The following CSGALNACT1 variants were observed in gnomAD, a reference collection of about 807,000 sequenced individuals.
The protein encoded by CSGALNACT1 is beta4GalNAcT-1.
A neutral mutation model predicts 51.0 loss-of-function variants in CSGALNACT1; 52 were observed. The ratio of observed to expected loss-of-function variants is 1.02; its 90% CI spans 0.82 to 1.29. CSGALNACT1 has a LOEUF of 1.29. CSGALNACT1 is among the 50% of genes most tolerant of loss of function. CSGALNACT1 has a pLI of 0.00. For missense variants in CSGALNACT1, 935 were observed against 679.2 expected, an observed-to-expected ratio of 1.38 and a Z score of -4.19; for synonymous variants, 341 against 254.4, an observed-to-expected ratio of 1.34 and a Z score of -3.24.
chr8:19,635,401 CTGG>C (rs2055897679), intron 1 of CSGALNACT1, among the ~76,000 whole-genome samples: 1 of 152,238 alleles, frequency 6.6e-6, no homozygotes, highest in Non-Finnish European at 1.5e-5. Flanking sequence ...TACCTGCCTA[CTGG>C]TGTTTTTCCT....
intron 1 of CSGALNACT1, among the ~76,000 whole-genome samples, chr8:19,706,133 T>A (rs2062150591): frequency 6.6e-6 from 1 of 152,174 alleles, no homozygotes; most frequent in South Asian, 2.1e-4. Context: ...GCAAATAGCA[T>A]GCAAGGATGA....
intron 1 of CSGALNACT1, among the ~76,000 whole-genome samples, chr8:19,701,845 C>T (rs1229796672): frequency 6.6e-6 from 1 of 152,154 alleles, no homozygotes; most frequent in Non-Finnish European, 1.5e-5. Context: ...CTTTTAACCA[C>T]TACAAGATGA....
At chr8:19,598,318 C>T (rs1191588096) in intron 2 of CSGALNACT1, among the ~76,000 whole-genome samples, 1 of 152,144 alleles carries the variant, frequency 6.6e-6, no homozygotes, top group Non-Finnish European at 1.5e-5. Context: ...TGCAGAAAAC[C>T]AATGGTGGCC....
chr8:19,578,974 C>T (rs2044934238), intron 3 of CSGALNACT1, among the ~76,000 whole-genome samples: 1 of 152,184 alleles, frequency 6.6e-6, no homozygotes, highest in African/African-American at 2.4e-5. Flanking sequence ...AAGTGATCCT[C>T]CTGCCTCACA....
At chr8:19,558,123 G>A (rs1247279568) in intron 3 of CSGALNACT1, among the ~76,000 whole-genome samples, 1 of 152,172 alleles carries the variant, frequency 6.6e-6, no homozygotes, top group African/African-American at 2.4e-5. Context: ...ACTATTTCCT[G>A]AATCAGCTGA....
chr8:19,654,724 T>C (rs1311198229), intron 1 of CSGALNACT1, among the ~76,000 whole-genome samples: 2 of 151,946 alleles, frequency 1.3e-5, no homozygotes, highest in African/African-American at 4.8e-5. Flanking sequence ...TTTGTATTTT[T>C]GGTAGAGACA....
intron 1 of CSGALNACT1, among the ~76,000 whole-genome samples, chr8:19,627,691 G>A (rs2054624455): frequency 1.3e-5 from 2 of 152,104 alleles, no homozygotes; most frequent in African/African-American, 4.8e-5. Context: ...CAGGTATGGT[G>A]GCATGCACCT....
At chr8:19,438,197 C>CGGGGGGGG (rs913808381) in intron 6 of CSGALNACT1, among the ~76,000 whole-genome samples, 144 of 146,340 alleles carry the variant, frequency 9.8e-4, no homozygotes, top group Non-Finnish European at 1.6e-3. Context: ...GGGCGGGGGT[C>CGGGGGGGG]GGGGGGCAGC....
chr8:19,664,965 G>C (rs1410835614), intron 1 of CSGALNACT1, among the ~76,000 whole-genome samples: 1 of 152,180 alleles, frequency 6.6e-6, no homozygotes, highest in Non-Finnish European at 1.5e-5. Flanking sequence ...TACAGTAAAA[G>C]TACAGACTTA....
intron 1 of CSGALNACT1, among the ~76,000 whole-genome samples, chr8:19,704,324 T>C (rs750347856): frequency 2.0e-5 from 3 of 152,236 alleles, no homozygotes; most frequent in Non-Finnish European, 4.4e-5. Context: ...TTTTCCAAAG[T>C]ACCATTAATA....
intron 3 of CSGALNACT1, among the ~76,000 whole-genome samples, chr8:19,551,138 A>C (rs1462679668): frequency 6.6e-6 from 1 of 152,240 alleles, no homozygotes; most frequent in Non-Finnish European, 1.5e-5. Context: ...ATGAAGAAAA[A>C]AACAACTGAA....
At chr8:19,742,591 T>G (rs1484466919) in intron 1 of CSGALNACT1, among the ~76,000 whole-genome samples, 1 of 152,202 alleles carries the variant, frequency 6.6e-6, no homozygotes. Flanking sequence ...TACTGAACCC[T>G]GAAATTCTCA....
At chr8:19,509,948 T>C (rs529312947) in intron 3 of CSGALNACT1, among the ~76,000 whole-genome samples, 90 of 152,246 alleles carry the variant, frequency 5.9e-4, no homozygotes, top group African/African-American at 2.0e-3. Flanking sequence ...CAGGTCAATC[T>C]CTTGGGGGTG....
At chr8:19,691,868 C>T (rs1396992369) in intron 1 of CSGALNACT1, among the ~76,000 whole-genome samples, 2 of 151,820 alleles carry the variant, frequency 1.3e-5, no homozygotes, top group Non-Finnish European at 2.9e-5. Flanking sequence ...CCAGCCCCCA[C>T]CCAGACCTAC....
intron 6 of CSGALNACT1, 126 bp downstream of exon 5, chr8:19,439,704 A>T (rs1429990510): frequency 1.3e-6 from 1 of 767,416 alleles, no homozygotes; most frequent in Admixed American, 2.0e-5. Context: ...CACAGCCAGC[A>T]ATCAATCCAT....
At chr8:19,480,916 G>T (rs1335962144) in intron 4 of CSGALNACT1, among the ~76,000 whole-genome samples, 1 of 152,050 alleles carries the variant, frequency 6.6e-6, no homozygotes, top group Non-Finnish European at 1.5e-5. Context: ...AGGCAATATC[G>T]ACTCATTCCC....
At chr8:19,450,108 G>A (rs1393082561) in intron 5 of CSGALNACT1, among the ~76,000 whole-genome samples, 1 of 98,812 alleles carries the variant, frequency 1.0e-5, no homozygotes, top group Non-Finnish European at 2.1e-5. Flanking sequence ...AGGAGGAAGG[G>A]GAAGAGGAGG....
intron 6 of CSGALNACT1, among the ~76,000 whole-genome samples, chr8:19,429,337 T>G (rs1252744121): frequency 6.6e-6 from 1 of 152,116 alleles, no homozygotes; most frequent in Non-Finnish European, 1.5e-5. Flanking sequence ...CCACCACACC[T>G]GGCTAATTTT....
At chr8:19,462,810 TTTC>T (rs2065838947) in intron 4 of CSGALNACT1, among the ~76,000 whole-genome samples, 1 of 151,612 alleles carries the variant, frequency 6.6e-6, no homozygotes, top group Non-Finnish European at 1.5e-5. Context: ...TTTCATCAGT[TTTC>T]TTTTTTTTTT....
Sources: allele counts gnomAD v4.1 joint callset (sites outside exome capture counted in the v4.1 genomes callset), GRCh38; gene constraint gnomAD v4.1.1; transcripts MANE v1.5; gene names NCBI Gene and HGNC (gene_info 2026-07-23, HGNC 2026-07-21).